Variants in TCF20 observed in about 807,000 individuals in gnomAD.
TCF20 encodes the protein transcription factor 20.
In TCF20, 3 loss-of-function variants were observed where a neutral mutation model predicts 148.6. That is an observed-to-expected ratio of 0.02 (90% CI 0.01 to 0.05). The LOEUF is 0.05. TCF20 is among the 10% of genes least tolerant of loss of function. The pLI, the probability that TCF20 is intolerant of heterozygous loss-of-function variation, is 1.00. For missense variants in TCF20, 2,350 were observed against 2,429.3 expected, an observed-to-expected ratio of 0.97 and a Z score of 0.69; for synonymous variants, 1,049 against 909.5, an observed-to-expected ratio of 1.15 and a Z score of -2.76.
chr22:42,268,917 A>G (rs545994120), intron 1 of TCF20, among the ~76,000 whole-genome samples: 1 of 152,354 alleles, frequency 6.6e-6, no homozygotes, highest in South Asian at 2.1e-4. Context: ...TACAGTCTGC[A>G]TTTCTCAGAA....
rs2147062547 is a variant in TCF20 at position 42,338,074 on chromosome 22, G to C, written c.-37+5405C>G. On this transcript the variant is annotated intron_variant, in intron 1 of 1. Transcript: ENST00000515426. The surrounding 1 kb of genome is among the most constrained non-coding windows in gnomAD (Gnocchi z 4.0). ...TACTGGGCCCCACCTGGGTCCAGTG[G>C]GGGCATGCGTCCCAGGAAGAAAACC... is the stretch of plus-strand genomic sequence containing the variant. Among the ~76,000 whole-genome samples the C allele has an allele frequency of 6.6e-6, 1 of 152,278 alleles. No homozygotes were observed. The highest frequency in any genetic ancestry group is 1.5e-5 in the Non-Finnish European group (1 of 68,024).
intron 2 of TCF20, among the ~76,000 whole-genome samples, chr22:42,198,611 A>C (rs1302982998): frequency 6.6e-6 from 1 of 152,146 alleles, no homozygotes; most frequent in Non-Finnish European, 1.5e-5. Flanking sequence ...TTTAGAGAAT[A>C]ATGACAAGAA....
chr22:42,252,085 C>T (rs545562755), intron 1 of TCF20, among the ~76,000 whole-genome samples: 78 of 150,862 alleles, frequency 5.2e-4, no homozygotes, highest in African/African-American at 1.8e-3. Flanking sequence ...GCCTGGGCAA[C>T]ATGGCGAAAC....
intron 1 of TCF20, among the ~76,000 whole-genome samples, chr22:42,336,154 C>T (rs982823691): frequency 2.0e-5 from 3 of 152,200 alleles, no homozygotes; most frequent in African/African-American, 7.2e-5. Flanking sequence ...CAGCAGGAGA[C>T]ATCACTTACA....
At chr22:42,221,064 C>G (rs1192839924) in intron 1 of TCF20, among the ~76,000 whole-genome samples, 1 of 152,204 alleles carries the variant, frequency 6.6e-6, no homozygotes, top group Admixed American at 6.5e-5. Flanking sequence ...CTCTGCAGAT[C>G]AGAAGCTGAG....
chr22:42,169,398 A>G (rs1490050619), intron 4 of TCF20, among the ~76,000 whole-genome samples: 1 of 151,942 alleles, frequency 6.6e-6, no homozygotes, highest in Non-Finnish European at 1.5e-5. Context: ...CTGCAGAAGC[A>G]CAACCTGGAA....
intron 1 of TCF20, among the ~76,000 whole-genome samples, chr22:42,298,903 C>T (rs992124413): frequency 1.3e-5 from 2 of 152,206 alleles, no homozygotes; most frequent in African/African-American, 4.8e-5. Flanking sequence ...AGGAGCCATC[C>T]CTGCCTCAAG....
At chr22:42,264,951 A>C (rs1246262886) in intron 1 of TCF20, among the ~76,000 whole-genome samples, 1 of 152,204 alleles carries the variant, frequency 6.6e-6, no homozygotes, top group Non-Finnish European at 1.5e-5. Context: ...TGTTCCAATG[A>C]ATTTCTACTC....
chr22:42,228,717 T>C (rs1025460361), intron 1 of TCF20, among the ~76,000 whole-genome samples: 5 of 152,128 alleles, frequency 3.3e-5, no homozygotes, highest in Non-Finnish European at 7.4e-5. Flanking sequence ...TGCGACAGGA[T>C]CTCCAAGGAA....
intron 1 of TCF20, among the ~76,000 whole-genome samples, chr22:42,259,751 T>C (rs150462437): frequency 1.2e-3 from 181 of 152,306 alleles, no homozygotes; most frequent in African/African-American, 4.3e-3. Context: ...CTTAACACAT[T>C]TGGCCCACTG....
At chr22:42,306,186 G>A (rs1242852613) in intron 1 of TCF20, among the ~76,000 whole-genome samples, 3 of 152,240 alleles carry the variant, frequency 2.0e-5, no homozygotes, top group East Asian at 1.9e-4. Flanking sequence ...TGTGCGCGCC[G>A]CTGCCAGCTC....
chr22:42,332,165 A>G (rs1927987511), intron 1 of TCF20, among the ~76,000 whole-genome samples: 1 of 152,214 alleles, frequency 6.6e-6, no homozygotes, highest in Admixed American at 6.5e-5. Context: ...GGCACTACGA[A>G]CTAGCCTGAT....
At chr22:42,262,228 A>G (rs1369948083) in intron 1 of TCF20, among the ~76,000 whole-genome samples, 2 of 152,212 alleles carry the variant, frequency 1.3e-5, no homozygotes, top group African/African-American at 4.8e-5. Context: ...GAAGTGGAAT[A>G]GAGGCAGACA....
upstream of TCF20, among the ~76,000 whole-genome samples, chr22:42,284,687 G>C (rs538488932): frequency 6.9e-4 from 105 of 152,308 alleles, no homozygotes; most frequent in African/African-American, 2.5e-3. Context: ...TTTGTCCCAA[G>C]TCCCATCTCA....
At chr22:42,174,576 T>C (rs1476601882) in intron 3 of TCF20, among the ~76,000 whole-genome samples, 3 of 152,148 alleles carry the variant, frequency 2.0e-5, no homozygotes, top group East Asian at 1.9e-4. Flanking sequence ...CAATCAACCA[T>C]AAAAAAACTT....
chr22:42,248,768 G>A (rs1925124120), intron 1 of TCF20, among the ~76,000 whole-genome samples: 1 of 152,178 alleles, frequency 6.6e-6, no homozygotes, highest in Admixed American at 6.6e-5. Flanking sequence ...AGTTTTGGTT[G>A]TACACAATAG....
intron 1 of TCF20, among the ~76,000 whole-genome samples, chr22:42,331,204 C>T (rs1422365845): frequency 6.6e-6 from 1 of 152,216 alleles, no homozygotes; most frequent in East Asian, 1.9e-4. Context: ...CTGAACTAAT[C>T]AAACCCGGCC....
At chr22:42,245,300 T>C (rs1359488427) in intron 1 of TCF20, among the ~76,000 whole-genome samples, 1 of 151,982 alleles carries the variant, frequency 6.6e-6, no homozygotes, top group Non-Finnish European at 1.5e-5. Flanking sequence ...CCCAGGCTGG[T>C]CTCCAACACC....
intron 1 of TCF20, among the ~76,000 whole-genome samples, chr22:42,251,202 C>A (rs953051424): frequency 2.6e-5 from 4 of 152,058 alleles, no homozygotes; most frequent in Non-Finnish European, 5.9e-5. Context: ...AGTGGTTTTT[C>A]TGTTTGTTTA....
Sources: gnomAD v4.1 joint callset for allele counts (sites outside exome capture counted in the v4.1 genomes callset) on GRCh38, gnomAD v4.1.1 for gene constraint, Gnocchi (gnomAD v3.1) non-coding constraint, MANE v1.5 for transcripts, NCBI Gene and HGNC (gene_info 2026-07-23, HGNC 2026-07-21) for gene names.